Variants in ADD1 observed in about 807,000 individuals in gnomAD.
ADD1 encodes the protein alpha-adducin.
In ADD1, 24 loss-of-function variants were observed where a neutral mutation model predicts 80.5. That is an observed-to-expected ratio of 0.30 (90% CI 0.22 to 0.42). The LOEUF (loss-of-function observed/expected upper bound fraction) is 0.42. Ranked by LOEUF, ADD1 falls within the 10% of genes least tolerant of loss-of-function variation. ADD1 has a pLI of 1.00. For synonymous variants in ADD1, 373 were observed against 393.8 expected (o/e 0.95, Z 0.63); for missense variants, 948 against 1,019.0 (o/e 0.93, Z 0.95).
At chr4:2,905,812 G>T (rs1736960980) in intron 10 of ADD1, 1 of 152,640 alleles carries the variant, frequency 6.6e-6, no homozygotes, top group South Asian at 2.1e-4. Context: ...CGTTAATGCC[G>T]CTCAAGTTAT....
At position 2,926,455 on chromosome 4, in the gene ADD1, C is replaced by T. The variant is rs1263261407; in HGVS notation, c.2047+343C>T. 1.1e-5 allele frequency: 8 copies of T among 702,036 alleles called. No individual in the cohort carries two copies. Among genetic ancestry groups the T allele is most frequent in the Admixed American group, 2.1e-5 (1 of 48,688 alleles). The allele number at this position is 702,036 out of a possible 1,614,324, so 43.5% of individuals were successfully genotyped here. On this transcript the variant is annotated intron_variant, in intron 15 of 15. Coordinates refer to ENST00000683351, the MANE Select transcript of ADD1 (RefSeq NM_001354761.2). The surrounding 1 kb of genome is among the most constrained non-coding windows in gnomAD (Gnocchi z 5.0). ...GCCCTCCGCTGTGTGAGCCACACGC[C>T]GGCTGCCTCTCAGCCACCGTGTGTC...
chr4:2,922,252 T>C (rs997014040), intron 14 of ADD1, among the ~76,000 whole-genome samples: 2 of 150,918 alleles, frequency 1.3e-5, no homozygotes, highest in African/African-American at 2.5e-5. Flanking sequence ...TTTGCACTGG[T>C]TTTTCCTCGT....
chr4:2,879,124 T>C (rs570993401), intron 2 of ADD1, among the ~76,000 whole-genome samples: 47 of 152,196 alleles, frequency 3.1e-4, no homozygotes, highest in African/African-American at 1.1e-3. Context: ...ACTGAGGGTA[T>C]GGATGTTGAA....
In ADD1 at chr4:2,928,235, C is replaced by T. The variant is rs201859948; in HGVS notation, c.2112C>T (p.Pro704=). 73 of 1,614,092 alleles carry T rather than the reference C, an allele frequency of 4.5e-5. No homozygotes were observed. The highest frequency in any genetic ancestry group is 2.5e-4 in the African/African-American group (19 of 75,012). Residue 704 remains proline, a synonymous_variant, in exon 16 of 16, where the codon CCC becomes CCT. Coordinates refer to ENST00000683351, the MANE Select transcript of ADD1 (RefSeq NM_001354761.2). ...CTGCCACCTTTAAGCCAACTCTCCC[C>T]GATCTGTCCCCTGATGAACCTTCAG... ...SDAATFKPTL[P]DLSPDEPSEA...
At chr4:2,877,658 G>A (rs1003984157) in intron 2 of ADD1, among the ~76,000 whole-genome samples, 4 of 152,108 alleles carry the variant, frequency 2.6e-5, no homozygotes, top group African/African-American at 9.7e-5. Flanking sequence ...ATGACAGGAA[G>A]GAGCCAGTCT....
chr4:2,881,072 C>T (rs1362155229), intron 2 of ADD1, among the ~76,000 whole-genome samples: 39 of 89,338 alleles, frequency 4.4e-4, no homozygotes, highest in South Asian at 1.2e-3. Context: ...GATGTATTTA[C>T]TTTTTTTTTT....
chr4:2,870,271 A>C (rs1448028332), intron 1 of ADD1, among the ~76,000 whole-genome samples: 2 of 152,258 alleles, frequency 1.3e-5, no homozygotes, highest in Non-Finnish European at 2.9e-5. Flanking sequence ...GGATCATCCC[A>C]GGGCTGCAGT....
At chr4:2,878,473 C>T (rs967110253) in intron 2 of ADD1, among the ~76,000 whole-genome samples, 5 of 151,970 alleles carry the variant, frequency 3.3e-5, no homozygotes, top group East Asian at 3.9e-4. Context: ...AGTTTACTTA[C>T]GTAAAAACAA....
At chr4:2,913,981 C>A (rs1738518784) in intron 13 of ADD1, among the ~76,000 whole-genome samples, 1 of 150,364 alleles carries the variant, frequency 6.7e-6, no homozygotes. Context: ...ATGGAGTGAA[C>A]CTGGGAGGTG....
intron 1 of ADD1, among the ~76,000 whole-genome samples, chr4:2,846,096 A>G (rs1468741864): frequency 6.8e-6 from 1 of 147,022 alleles, no homozygotes; most frequent in East Asian, 1.9e-4. Context: ...ACAGAAAATG[A>G]ATAATTCCTT....
In ADD1 at chr4:2,883,782, C is replaced by T. The variant is rs145995083; in HGVS notation, c.359-733C>T. Reference sequence around the variant, plus strand: ...CGCCTCCTGGGTTCACGCCATTCTCCTGCCTCAGCCTCCCAAGTAGCTGGG... The same window carrying T: ...CGCCTCCTGGGTTCACGCCATTCTCTTGCCTCAGCCTCCCAAGTAGCTGGG... On this transcript the variant is annotated intron_variant, in intron 3 of 15. Transcript: ENST00000683351. 5.0e-3 allele frequency among the ~76,000 whole-genome samples: 758 copies of T among 152,220 alleles called. 7 individuals are homozygous for T. The highest frequency in any genetic ancestry group is 0.017 in the African/African-American group (701 of 41,520).
In ADD1 at chr4:2,881,779, C is replaced by T. The variant is rs1732388180; in HGVS notation, c.196-119C>T. The T allele has an allele frequency of 2.4e-5, 16 of 674,134 alleles. No homozygotes were observed. In the South Asian group the frequency reaches 3.0e-4, roughly 13 times the overall value. 41.8% of individuals were successfully genotyped at this position (674,134 alleles called of 1,614,324 possible). ...CTCAGCAGTAATGTGTGAGAATATCCGTTTGCCTTTCCAGCACTGGATGAA... is the reference window on the plus strand; with the variant it reads ...CTCAGCAGTAATGTGTGAGAATATCTGTTTGCCTTTCCAGCACTGGATGAA... On this transcript the variant is annotated intron_variant, in intron 2 of 15. Transcript: ENST00000683351.
chr4:2,881,581 A>T (rs537187401), intron 2 of ADD1: 4 of 207,506 alleles, frequency 1.9e-5, no homozygotes, highest in Admixed American at 1.8e-4. Context: ...GAAACGTAGG[A>T]TGTTTTTCCC....
intron 14 of ADD1, among the ~76,000 whole-genome samples, chr4:2,924,240 A>G (rs879353171): frequency 6.6e-6 from 1 of 152,212 alleles, no homozygotes; most frequent in Non-Finnish European, 1.5e-5. Flanking sequence ...GGTGGTTTCA[A>G]ATGTCAGGCT....
chr4:2,876,824 G>C (rs1186937885), intron 2 of ADD1, among the ~76,000 whole-genome samples: 2 of 148,222 alleles, frequency 1.3e-5, no homozygotes, highest in African/African-American at 5.0e-5. Context: ...GGGTGACATA[G>C]AGAGACTCCG....
At position 2,864,134 on chromosome 4, in the gene ADD1, C is replaced by T. The variant is rs545144961; in HGVS notation, c.-20-11762C>T. Among the ~76,000 whole-genome samples the T allele has an allele frequency of 4.6e-5, 7 of 152,254 alleles. No individual in the cohort carries two copies. In the South Asian group the frequency reaches 8.3e-4, roughly 18 times the overall value. Reference sequence around the variant, plus strand: ...ACACTTAAATAACAGAATTTATGGCCGGGCGTGGTGGCTCACGCCTTTAAT... The same window carrying T: ...ACACTTAAATAACAGAATTTATGGCTGGGCGTGGTGGCTCACGCCTTTAAT... On this transcript the variant is annotated intron_variant, in intron 1 of 15. Transcript: ENST00000683351.
At chr4:2,876,240 G>A (rs1259336047) in intron 2 of ADD1, 130 bp downstream of exon 2, 8 of 778,928 alleles carry the variant, frequency 1.0e-5, no homozygotes, top group Admixed American at 6.8e-5. Context: ...TTGAGTATAC[G>A]TATATGGTTG....
At chr4:2,863,202 C>T (rs376862890) in intron 1 of ADD1, among the ~76,000 whole-genome samples, 4 of 150,722 alleles carry the variant, frequency 2.7e-5, no homozygotes, top group African/African-American at 9.8e-5. Flanking sequence ...CATGCCACCA[C>T]GCCCAGCTAA....
chr4:2,867,217 C>T (rs774408555), intron 1 of ADD1, among the ~76,000 whole-genome samples: 21 of 152,156 alleles, frequency 1.4e-4, no homozygotes, highest in Non-Finnish European at 3.1e-4. Flanking sequence ...TTAGACAATT[C>T]GTGGTCACTT....
Sources: allele counts gnomAD v4.1 joint callset (sites outside exome capture counted in the v4.1 genomes callset), GRCh38; gene constraint gnomAD v4.1.1; non-coding constraint Gnocchi (gnomAD v3.1); transcripts MANE v1.5; gene names NCBI Gene and HGNC (gene_info 2026-07-23, HGNC 2026-07-21).